LRMDA: variants seen among roughly 807,000 people sequenced by gnomAD.
LRMDA encodes leucine-rich melanocyte differentiation-associated protein.
In LRMDA, 18 loss-of-function variants were observed where a neutral mutation model predicts 29.8. The ratio of observed to expected loss-of-function variants is 0.60; its 90% CI spans 0.42 to 0.90. The LOEUF is 0.90. Among genes scored for constraint, LRMDA ranks in the 40% least tolerant of loss-of-function variants. The pLI, the probability that LRMDA is intolerant of heterozygous loss-of-function variation, is 0.00. For synonymous variants in LRMDA, 125 were observed against 109.4 expected (o/e 1.14, Z -0.89); for missense variants, 273 against 273.9 (o/e 1.00, Z 0.02).
intron 6 of LRMDA, among the ~76,000 whole-genome samples, chr10:76,449,549 C>T (rs1185744281): frequency 1.3e-5 from 2 of 151,752 alleles, no homozygotes; most frequent in Non-Finnish European, 3.0e-5. Flanking sequence ...TTTTGTAACA[C>T]CTATTAGGAA....
chr10:76,004,567 C>T lies in LRMDA; in HGVS notation c.132-31441C>T, dbSNP rs551820391. Among the ~76,000 whole-genome samples, 5 of 152,212 alleles carry T rather than the reference C, an allele frequency of 3.3e-5. No individual in the cohort carries two copies. The South Asian group carries it at 6.2e-4, about 19-fold the overall frequency. Reference sequence around the variant, plus strand: ...AGTGTCAGGCAGGCCACAGACTGGCCACCCCCAGGTCTACTTTATCAGAAG... The same window carrying T: ...AGTGTCAGGCAGGCCACAGACTGGCTACCCCCAGGTCTACTTTATCAGAAG... On this transcript the variant is annotated intron_variant, in intron 2 of 6. Transcript: ENST00000611255.
chr10:76,144,029 G>A (rs181635051), intron 5 of LRMDA, among the ~76,000 whole-genome samples: 1 of 152,054 alleles, frequency 6.6e-6, no homozygotes, highest in African/African-American at 2.4e-5. Flanking sequence ...TCTGAGGGCT[G>A]TGTTCTGTTC....
chr10:76,026,893 A>C (rs962882206), intron 2 of LRMDA, among the ~76,000 whole-genome samples: 1 of 152,226 alleles, frequency 6.6e-6, no homozygotes, highest in African/African-American at 2.4e-5. Context: ...TGTTCAAATA[A>C]GTATAGTGGC....
intron 2 of LRMDA, among the ~76,000 whole-genome samples, chr10:76,016,067 T>C (rs1406363693): frequency 6.6e-6 from 1 of 152,240 alleles, no homozygotes; most frequent in Non-Finnish European, 1.5e-5. Context: ...AGTTACTCCT[T>C]GAATCTTGTA....
chr10:76,049,851 C>T (rs988653690), intron 4 of LRMDA, among the ~76,000 whole-genome samples: 3 of 152,228 alleles, frequency 2.0e-5, no homozygotes, highest in Non-Finnish European at 2.9e-5. Flanking sequence ...AGTAGAGCCT[C>T]TATGTAAATT....
intron 2 of LRMDA, among the ~76,000 whole-genome samples, chr10:75,965,124 T>C (rs1846835596): frequency 6.6e-6 from 1 of 152,192 alleles, no homozygotes; most frequent in East Asian, 1.9e-4. Context: ...TTTAGCCTCT[T>C]TAAGCCTCAG....
chr10:76,554,199 T>C (rs1262811428), intron 6 of LRMDA, among the ~76,000 whole-genome samples: 1 of 151,880 alleles, frequency 6.6e-6, no homozygotes, highest in African/African-American at 2.4e-5. Flanking sequence ...TGATGGGGAG[T>C]GATGTCAGCT....
At chr10:75,450,563 A>G (rs1260953607) in intron 2 of LRMDA, 2 of 152,186 alleles carry the variant, frequency 1.3e-5, no homozygotes, top group Non-Finnish European at 2.9e-5. Flanking sequence ...TAACCCCCAC[A>G]CGGCCCGTTT....
chr10:76,459,761 G>A (rs1336962973), intron 6 of LRMDA, among the ~76,000 whole-genome samples: 1 of 151,752 alleles, frequency 6.6e-6, no homozygotes, highest in Non-Finnish European at 1.5e-5. Context: ...TTTCCTTTTG[G>A]GCTTTTGTTT....
chr10:76,485,551 A>T (rs2132330465), intron 6 of LRMDA, among the ~76,000 whole-genome samples: 1 of 152,014 alleles, frequency 6.6e-6, no homozygotes, highest in Admixed American at 6.6e-5. Context: ...ATCAATTAAA[A>T]TTTTTTAAAA....
At chr10:75,457,886 T>G (rs912730986) in intron 2 of LRMDA, among the ~76,000 whole-genome samples, 5 of 148,194 alleles carry the variant, frequency 3.4e-5, no homozygotes, top group African/African-American at 1.3e-4. Flanking sequence ...ACTGCCATTT[T>G]TTCTTTTTAC....
chr10:76,206,761 T>G (rs868338282), intron 5 of LRMDA, among the ~76,000 whole-genome samples: 49 of 152,298 alleles, frequency 3.2e-4, no homozygotes, highest in Admixed American at 1.4e-3. Context: ...CTTTCCCCTC[T>G]CATGCCTGGC....
At chr10:75,601,536 G>GT (rs143771875) in intron 2 of LRMDA, among the ~76,000 whole-genome samples, 4,880 of 152,048 alleles carry the variant, frequency 0.032, 263 homozygotes, top group African/African-American at 0.11. Context: ...GTTTTGTTTT[G>GT]TTTTTTCTGG....
intron 2 of LRMDA, among the ~76,000 whole-genome samples, chr10:75,923,545 C>T (rs965006664): frequency 2.0e-4 from 31 of 152,262 alleles, no homozygotes; most frequent in East Asian, 5.8e-4. Context: ...CGATCCTTCC[C>T]GTGATTCCCC....
intron 2 of LRMDA, among the ~76,000 whole-genome samples, chr10:75,554,987 A>G (rs1840197137): frequency 1.3e-5 from 2 of 152,154 alleles, no homozygotes; most frequent in African/African-American, 4.8e-5. Context: ...TCTCCTCCAT[A>G]GGAGATGGGA....
chr10:76,157,001 T>A (rs908849944), intron 5 of LRMDA, among the ~76,000 whole-genome samples: 3 of 152,182 alleles, frequency 2.0e-5, no homozygotes, highest in Non-Finnish European at 4.4e-5. Flanking sequence ...GCTCAGTTAA[T>A]AATGTTTGTA....
chr10:75,973,435 T>TG (rs1847014416), intron 2 of LRMDA, among the ~76,000 whole-genome samples: 1 of 151,446 alleles, frequency 6.6e-6, no homozygotes, highest in African/African-American at 2.4e-5. Flanking sequence ...TTTTTTTTTT[T>TG]GGGACGGAGT....
intron 2 of LRMDA, among the ~76,000 whole-genome samples, chr10:75,478,715 T>C (rs1844823600): frequency 6.6e-6 from 1 of 152,188 alleles, no homozygotes; most frequent in Non-Finnish European, 1.5e-5. Context: ...TTTTTTTCAA[T>C]AATACATAAG....
chr10:75,537,661 T>G (rs1037031685), intron 2 of LRMDA, among the ~76,000 whole-genome samples: 3 of 152,222 alleles, frequency 2.0e-5, no homozygotes, highest in Non-Finnish European at 2.9e-5. Flanking sequence ...AGTATTGAAG[T>G]GAGCTTGGGT....
Sources: gnomAD v4.1 joint callset for allele counts (sites outside exome capture counted in the v4.1 genomes callset) on GRCh38, gnomAD v4.1.1 for gene constraint, MANE v1.5 for transcripts, NCBI Gene and HGNC (gene_info 2026-07-23, HGNC 2026-07-21) for gene names.